PTPRE: variants seen among roughly 807,000 people sequenced by gnomAD.
PTPRE encodes the protein receptor-type tyrosine-protein phosphatase epsilon.
A neutral mutation model predicts 102.0 loss-of-function variants in PTPRE; 51 were observed. The observed-to-expected ratio is 0.50, with a 90% CI of 0.40 to 0.63. The LOEUF is 0.63. Ranked by LOEUF, PTPRE falls within the 30% of genes least tolerant of loss-of-function variation. PTPRE has a pLI of 0.00. For synonymous variants in PTPRE, 345 were observed against 348.2 expected (o/e 0.99, Z 0.10); for missense variants, 752 against 915.1 (o/e 0.82, Z 2.30).
intron 17 of PTPRE, among the ~76,000 whole-genome samples, chr10:128,075,670 C>T (rs1851160532): frequency 6.6e-6 from 1 of 152,234 alleles, no homozygotes; most frequent in Admixed American, 6.5e-5. Context: ...CATTCATCTA[C>T]ATACCTAGTA....
intron 1 of PTPRE, among the ~76,000 whole-genome samples, chr10:127,937,913 C>T (rs1299226737): frequency 6.6e-6 from 1 of 151,636 alleles, no homozygotes; most frequent in Non-Finnish European, 1.5e-5. Flanking sequence ...TGTGTGTGTA[C>T]ATGCATGTGT....
chr10:127,974,932 T>C (rs1327560), intron 1 of PTPRE, among the ~76,000 whole-genome samples: 6,170 of 152,180 alleles, frequency 0.041, 209 homozygotes, highest in Admixed American at 0.09. Context: ...ATATCCTTAA[T>C]GTTAATCCAG....
chr10:128,069,729 G>T lies in PTPRE; in HGVS notation c.1045G>T (p.Asp349Tyr). The T allele has an allele frequency of 1.2e-6, 2 of 1,614,190 alleles. No individual in the cohort carries two copies. Among genetic ancestry groups the T allele is most frequent in the Non-Finnish European group, 1.7e-6 (2 of 1,180,032 alleles). The change falls in exon 13 of 21, where the codon GAT becomes TAT. Residue 349 changes from aspartate to tyrosine, a missense_variant. Transcript: ENST00000254667. ...CCGGACGGGCACCTTCATTGTGATC[G>T]ATGCCATGATGGCCATGATGCACGC... ...VGRTGTFIVIDAMMAMMHAEQ... is the reference protein window; with the variant it reads ...VGRTGTFIVIYAMMAMMHAEQ...
At chr10:128,056,549 C>T (rs1398755387) in intron 7 of PTPRE, among the ~76,000 whole-genome samples, 6 of 152,176 alleles carry the variant, frequency 3.9e-5, no homozygotes. Context: ...AGGCCTGGCA[C>T]CCAGTCTAGG....
intron 1 of PTPRE, among the ~76,000 whole-genome samples, chr10:127,969,035 T>G (rs1038464125): frequency 3.3e-5 from 5 of 152,244 alleles, no homozygotes; most frequent in Non-Finnish European, 5.9e-5. Context: ...CAGTCAGGGT[T>G]TCCAACAATG....
At chr10:128,077,079 G>A (rs897057813) in intron 18 of PTPRE, among the ~76,000 whole-genome samples, 4 of 152,180 alleles carry the variant, frequency 2.6e-5, no homozygotes, top group African/African-American at 4.8e-5. Context: ...TGGGTCCTTG[G>A]TTCTGCTCAT....
At chr10:127,956,416 C>G (rs939956177) in intron 1 of PTPRE, among the ~76,000 whole-genome samples, 1 of 152,154 alleles carries the variant, frequency 6.6e-6, no homozygotes, top group African/African-American at 2.4e-5. Flanking sequence ...TAATAAATCC[C>G]CTCTCATATG....
intron 6 of PTPRE, among the ~76,000 whole-genome samples, chr10:128,054,103 A>G (rs1016015055): frequency 6.6e-6 from 1 of 152,160 alleles, no homozygotes; most frequent in African/African-American, 2.4e-5. Context: ...AGTTTTAGCT[A>G]TACAGAATAA....
intron 1 of PTPRE, among the ~76,000 whole-genome samples, chr10:127,931,602 A>G (rs866444430): frequency 6.6e-6 from 1 of 152,138 alleles, no homozygotes; most frequent in African/African-American, 2.4e-5. Flanking sequence ...GCAGCAAGCC[A>G]TTTCTCTATT....
At chr10:127,961,781 C>A (rs1310848752) in intron 1 of PTPRE, among the ~76,000 whole-genome samples, 1 of 152,154 alleles carries the variant, frequency 6.6e-6, no homozygotes, top group Non-Finnish European at 1.5e-5. Flanking sequence ...TCCTGTCTCC[C>A]CCACAAGACT....
chr10:127,976,282 G>T (rs544200231), intron 1 of PTPRE, among the ~76,000 whole-genome samples: 6 of 152,312 alleles, frequency 3.9e-5, no homozygotes, highest in Admixed American at 3.9e-4. Flanking sequence ...GAATCAAATT[G>T]CCATGTTTCC....
chr10:127,993,704 G>A (rs577026598), intron 2 of PTPRE, among the ~76,000 whole-genome samples: 7 of 152,180 alleles, frequency 4.6e-5, no homozygotes, highest in South Asian at 4.2e-4. Context: ...GGGGTCACTC[G>A]TTCAAAAGGC....
intron 3 of PTPRE, among the ~76,000 whole-genome samples, chr10:128,042,981 T>G (rs10734069): frequency 0.34 from 52,095 of 151,976 alleles, 9,546 homozygotes; most frequent in East Asian, 0.66. Context: ...AAAATGACAT[T>G]ATCATTTTAC....
In PTPRE at chr10:128,070,576, G is replaced by A; in HGVS notation, c.1293+126G>A. The A allele has an allele frequency of 3.8e-6, 5 of 1,314,472 alleles. No homozygotes were observed. Among genetic ancestry groups the A allele is most frequent in the Non-Finnish European group, 5.1e-6 (5 of 973,692 alleles). The allele number at this position is 1,314,472 out of a possible 1,614,324, so 81.4% of individuals were successfully genotyped here. A position where few individuals can be genotyped will look rare whatever the true frequency, so the allele number is the denominator to read the frequency against. On this transcript the variant is annotated intron_variant, in intron 14 of 20. Transcript: ENST00000254667. This position sits in a 1 kb window ranked among gnomAD's most constrained non-coding sequence, Gnocchi z 4.8. ...CTTAACTGACCTCAGAAAAAGCAGG[G>A]GCAATACCTGAGCCATGATTTACAA...
chr10:128,070,383 A>G lies in PTPRE; in HGVS notation c.1226A>G (p.Lys409Arg). ...DTELDVSSLEKHLQTMHGTTT... is the reference protein window; with the variant it reads ...DTELDVSSLERHLQTMHGTTT... The stretch of plus-strand genomic sequence containing the variant: ...GAGCTGGACGTGTCCTCCCTGGAGA[A>G]GCACCTGCAGACCATGCACGGCACC... The change falls in exon 14 of 21, where the codon AAG (lysine) becomes AGG (arginine). Residue 409 changes from lysine (K) to arginine (R), a missense_variant. By Grantham distance (26) the Lys-to-Arg change is conservative (BLOSUM62 2). Around this residue, in one of 2 missense-constraint regions of PTPRE, gnomAD observed 636 missense variants for 824.4 expected, o/e 0.77. Transcript: ENST00000254667. This position sits in a 1 kb window ranked among gnomAD's most constrained non-coding sequence, Gnocchi z 4.8. 1 of 1,614,200 alleles carries G rather than the reference A, an allele frequency of 6.2e-7. No homozygotes were observed. Among genetic ancestry groups the G allele is most frequent in the South Asian group, 1.1e-5 (1 of 91,090 alleles).
intron 2 of PTPRE, among the ~76,000 whole-genome samples, chr10:127,995,308 G>A (rs534219009): frequency 7.9e-5 from 12 of 152,328 alleles, no homozygotes; most frequent in Middle Eastern, 3.4e-3. Flanking sequence ...GAGATAAACC[G>A]ACCCACCTGG....
At chr10:127,959,602 G>C (rs1443202705) in intron 1 of PTPRE, among the ~76,000 whole-genome samples, 2 of 152,218 alleles carry the variant, frequency 1.3e-5, no homozygotes, top group Non-Finnish European at 2.9e-5. Context: ...CAAATTTAAA[G>C]CAGAAGTCCA....
In PTPRE at chr10:127,944,469, C is replaced by CGGAT. The variant is rs1229409414; in HGVS notation, c.-31+37203_-31+37206dup. ...ACAGATGGATGGATACATGGACAGA[C>CGGAT]GGATGGATGGATGGATGGATGGATG... On this transcript the variant is annotated intron_variant, in intron 1 of 20. Transcript: ENST00000254667. This position sits in a 1 kb window ranked among gnomAD's most constrained non-coding sequence, Gnocchi z 4.2. Among the ~76,000 whole-genome samples, 384 of 25,954 alleles carry CGGAT rather than the reference C, an allele frequency of 0.015. 4 individuals carry two copies. The highest frequency in any genetic ancestry group is 0.024 in the Non-Finnish European group (313 of 12,862). The allele number at this position is 25,954 out of a possible 152,430, so 17.0% of individuals were successfully genotyped here.
In PTPRE at chr10:127,944,060, C is replaced by T. The variant is rs1279029038; in HGVS notation, c.-31+36751C>T. 6.6e-6 allele frequency among the ~76,000 whole-genome samples: 1 copy of T among 152,206 alleles called. No individual in the cohort carries two copies. Among genetic ancestry groups the T allele is most frequent in the African/African-American group, 2.4e-5 (1 of 41,450 alleles). On this transcript the variant is annotated intron_variant, in intron 1 of 20. Transcript: ENST00000254667. The surrounding 1 kb of genome is among the most constrained non-coding windows in gnomAD (Gnocchi z 4.2). Reference sequence around the variant, plus strand: ...AACCTAAGGGCACACAAAGTTGCTCCTGTCAGGGATGTGAGTCAGCCAATG... The same window carrying T: ...AACCTAAGGGCACACAAAGTTGCTCTTGTCAGGGATGTGAGTCAGCCAATG...
Sources: allele counts gnomAD v4.1 joint callset (sites outside exome capture counted in the v4.1 genomes callset), GRCh38; gene constraint gnomAD v4.1.1; regional missense constraint gnomAD v4.1.1; non-coding constraint Gnocchi (gnomAD v3.1); transcripts MANE v1.5; gene names NCBI Gene and HGNC (gene_info 2026-07-23, HGNC 2026-07-21).